Variants in VPS53 observed in about 807,000 individuals in gnomAD.
VPS53 encodes vacuolar protein sorting-associated protein 53 homolog.
VPS53 carries 70 observed loss-of-function variants against 107.0 expected under a neutral mutation model. The observed-to-expected ratio is 0.65, with a 90% CI of 0.54 to 0.80. The LOEUF (loss-of-function observed/expected upper bound fraction) is 0.80. VPS53 is among the 30% of genes least tolerant of loss of function. The pLI is 0.00. For synonymous variants in VPS53, 409 were observed against 393.3 expected (o/e 1.04, Z -0.47); for missense variants, 917 against 1,049.4 (o/e 0.87, Z 1.74).
chr17:579,120 CAT>C (rs1966867038), intron 13 of VPS53, among the ~76,000 whole-genome samples: 1 of 151,502 alleles, frequency 6.6e-6, no homozygotes. Context: ...TCCCAGAGAA[CAT>C]CCCTCAGAAC....
At chr17:602,019 C>G (rs1968350562) in intron 11 of VPS53, 123 bp from the exon 12 acceptor site, 5 of 626,524 alleles carry the variant, frequency 8.0e-6, no homozygotes, top group Non-Finnish European at 1.3e-5. Flanking sequence ...TAAAGAAGAA[C>G]TGAGGCAACC....
chr17:644,264 C>A (rs1346644926), intron 7 of VPS53, among the ~76,000 whole-genome samples: 1 of 152,196 alleles, frequency 6.6e-6, no homozygotes, highest in Non-Finnish European at 1.5e-5. Flanking sequence ...AATGTACAGG[C>A]AAAGATTTCA....
chr17:647,745 C>T (rs1970766195), intron 7 of VPS53, among the ~76,000 whole-genome samples: 2 of 152,156 alleles, frequency 1.3e-5, no homozygotes, highest in African/African-American at 4.8e-5. Flanking sequence ...ACACTGAGCA[C>T]ACGTTGCAAC....
intron 12 of VPS53, among the ~76,000 whole-genome samples, chr17:599,289 G>A (rs1218241803): frequency 6.6e-6 from 1 of 152,222 alleles, no homozygotes; most frequent in East Asian, 1.9e-4. Context: ...TGATGACAAT[G>A]GCGGCTTTGT....
At chr17:670,128 T>G (rs970552201) in intron 4 of VPS53, among the ~76,000 whole-genome samples, 4 of 152,144 alleles carry the variant, frequency 2.6e-5, no homozygotes, top group Admixed American at 2.0e-4. Flanking sequence ...ACACACAGCC[T>G]GCATCCTAAA....
rs939176914 is a variant in VPS53, at chr17:528,691, C to G, written c.2085+4151G>C. ...TTGGCTCACTGCAATCTCTGCCTCCCAGGTTCAAGTGATTCTCCTGCCTCA... is the reference window on the plus strand; with the variant it reads ...TTGGCTCACTGCAATCTCTGCCTCCGAGGTTCAAGTGATTCTCCTGCCTCA... On this transcript the variant is annotated intron_variant, in intron 19 of 21. Transcript: ENST00000437048. 1.3e-4 allele frequency among the ~76,000 whole-genome samples: 20 copies of G among 150,554 alleles called. 1 individual carries two copies. The highest frequency in any genetic ancestry group is 1.1e-3 in the Admixed American group (17 of 14,984).
intron 13 of VPS53, among the ~76,000 whole-genome samples, chr17:570,786 A>T (rs920623079): frequency 9.9e-5 from 15 of 152,184 alleles, no homozygotes; most frequent in African/African-American, 3.4e-4. Flanking sequence ...CTGAAATGTG[A>T]GGAGGAGAGC....
intron 2 of VPS53, among the ~76,000 whole-genome samples, chr17:700,837 T>C (rs553804821): frequency 6.6e-6 from 1 of 152,294 alleles, no homozygotes. Flanking sequence ...TTGTAGGAAA[T>C]ATGCTTATAA....
chr17:675,351 C>T (rs1597473586), intron 4 of VPS53: 1 of 152,288 alleles, frequency 6.6e-6, no homozygotes, highest in East Asian at 1.9e-4. Context: ...GCGACCGTTC[C>T]CTTGTGACTA....
At chr17:689,426 T>A (rs892725876) in intron 4 of VPS53, among the ~76,000 whole-genome samples, 2 of 150,544 alleles carry the variant, frequency 1.3e-5, no homozygotes, top group Non-Finnish European at 2.9e-5. Flanking sequence ...AACTCCTGAG[T>A]AGCCAAGACT....
chr17:532,688 G>A (rs527641235), intron 19 of VPS53, 154 bp downstream of exon 19: 35 of 1,413,554 alleles, frequency 2.5e-5, no homozygotes, highest in African/African-American at 2.2e-4. Context: ...ATGGAAGAAC[G>A]AATTAAGAAA....
chr17:530,694 C>T lies in VPS53; in HGVS notation c.2085+2148G>A, dbSNP rs547211918. 7.2e-5 allele frequency among the ~76,000 whole-genome samples: 11 copies of T among 152,244 alleles called. No individual in the cohort carries two copies. The South Asian group carries it at 2.3e-3, about 32-fold the overall frequency. Reference sequence around the variant, plus strand: ...TCCTTAATCTCAAGGGAAAGAAAAGCTTTCATAGGTGAACGCAGTCATAAG... The same window carrying T: ...TCCTTAATCTCAAGGGAAAGAAAAGTTTTCATAGGTGAACGCAGTCATAAG... On this transcript the variant is annotated intron_variant, in intron 19 of 21. Transcript: ENST00000437048.
intron 4 of VPS53, among the ~76,000 whole-genome samples, chr17:695,912 AAC>A (rs1177400523): frequency 6.6e-6 from 1 of 152,198 alleles, no homozygotes; most frequent in Non-Finnish European, 1.5e-5. Flanking sequence ...AATACGATCA[AAC>A]ACAGATTAGG....
At chr17:538,404 A>C (rs1201901167) in intron 17 of VPS53, 1 of 152,278 alleles carries the variant, frequency 6.6e-6, no homozygotes, top group Non-Finnish European at 1.5e-5. Flanking sequence ...TAAGCCAAAC[A>C]CAAACCATAT....
At chr17:558,459 C>T (rs1038387629) in intron 15 of VPS53, among the ~76,000 whole-genome samples, 16 of 151,806 alleles carry the variant, frequency 1.1e-4, no homozygotes, top group Admixed American at 7.9e-4. Context: ...CAGTGAAACC[C>T]GGCCTCTACT....
chr17:669,610 T>TAAAAAAAAAAAAAAAAAAA (rs1555577664), intron 4 of VPS53, among the ~76,000 whole-genome samples: 2 of 68,270 alleles, frequency 2.9e-5, no homozygotes, highest in Non-Finnish European at 7.8e-5. Context: ...AAAAAAAAAT[T>TAAAAAAAAAAAAAAAAAAA]AGGCCAGGTG....
rs75550025 is a variant in VPS53, at chr17:565,886, G to C, written c.1314-3141C>G. ...CAACACTTTATTTAACACTTTATTA[G>C]ACAGTGCGAGGATGCCATATATTCA... On this transcript the variant is annotated intron_variant, in intron 13 of 21. Transcript: ENST00000437048. Among the ~76,000 whole-genome samples, 240 of 152,298 alleles carry C rather than the reference G, an allele frequency of 1.6e-3. 5 individuals are homozygous for C. In the East Asian group the frequency reaches 0.043, roughly 27 times the overall value.
rs570421529 is a variant in VPS53, at chr17:619,221, T to G, written c.1116+4312A>C. Among the ~76,000 whole-genome samples the G allele has an allele frequency of 4.4e-5, 5 of 113,594 alleles. No homozygotes were observed. In the East Asian group the frequency reaches 1.5e-3, roughly 35 times the overall value. 74.5% of individuals were successfully genotyped at this position (113,594 alleles called of 152,430 possible). A position where few individuals can be genotyped will look rare whatever the true frequency, so the allele number is the denominator to read the frequency against. Reference sequence around the variant, plus strand: ...TTTCCCGGGTAGCTGGGACTACAGGTGCCCACGACGCCTGCTAATATTTCC... The same window carrying G: ...TTTCCCGGGTAGCTGGGACTACAGGGGCCCACGACGCCTGCTAATATTTCC... On this transcript the variant is annotated intron_variant, in intron 11 of 21. Transcript: ENST00000437048.
intron 8 of VPS53, among the ~76,000 whole-genome samples, chr17:631,030 G>C (rs1010704094): frequency 4.3e-4 from 66 of 152,058 alleles, no homozygotes; most frequent in African/African-American, 1.6e-3. Flanking sequence ...AATGCTGTGG[G>C]CTTTGCAGAC....
Sources: allele counts gnomAD v4.1 joint callset (sites outside exome capture counted in the v4.1 genomes callset), GRCh38; gene constraint gnomAD v4.1.1; transcripts MANE v1.5; gene names NCBI Gene and HGNC (gene_info 2026-07-23, HGNC 2026-07-21).